The following KHDRBS3 variants were observed in gnomAD, a reference collection of about 807,000 sequenced individuals.
KHDRBS3 encodes KH domain-containing, RNA-binding, signal transduction-associated protein 3.
Under a neutral mutation model 45.6 loss-of-function variants are expected in KHDRBS3, and 23 were observed. The observed-to-expected ratio is 0.50, with a 90% CI of 0.36 to 0.72. KHDRBS3 has a LOEUF of 0.72. KHDRBS3 is among the 30% of genes least tolerant of loss of function. The pLI is 0.00. For missense variants in KHDRBS3, 352 were observed against 424.8 expected (o/e 0.83, Z 1.51); for synonymous variants, 162 against 156.5 (o/e 1.04, Z -0.26).
At chr8:135,460,403 GTAAGGCA>G (rs1279090594) in intron 1 of KHDRBS3, among the ~76,000 whole-genome samples, 1 of 152,164 alleles carries the variant, frequency 6.6e-6, no homozygotes, top group African/African-American at 2.4e-5. Context: ...TTGCATTCCG[GTAAGGCA>G]GATGTTCATG....
At chr8:135,598,333 A>C (rs1198136371) in intron 6 of KHDRBS3, among the ~76,000 whole-genome samples, 1 of 152,186 alleles carries the variant, frequency 6.6e-6, no homozygotes, top group Non-Finnish European at 1.5e-5. Flanking sequence ...TTTTTTGGCT[A>C]ATCTTCCCAC....
intron 1 of KHDRBS3, 97 bp downstream of exon 1, chr8:135,458,051 G>A: frequency 7.0e-7 from 1 of 1,422,098 alleles, no homozygotes; most frequent in Non-Finnish European, 9.2e-7. Flanking sequence ...TGCTGTCAGC[G>A]GACGCGGCGG....
At position 135,581,980 on chromosome 8, in the gene KHDRBS3, A is replaced by T; in HGVS notation, c.714A>T (p.Gly238=). The change falls in exon 6 of 9, where the codon GGA becomes GGT. Residue 238 remains glycine, a synonymous_variant. Coordinates refer to ENST00000355849, the MANE Select transcript of KHDRBS3 (RefSeq NM_006558.3). ...CCACCCGAGGGCCAGTGAGTCGGGGAAGAGGACTTCTCACTCCCAGAGCAA... is the reference window on the plus strand; with the variant it reads ...CCACCCGAGGGCCAGTGAGTCGGGGTAGAGGACTTCTCACTCCCAGAGCAA... ...VLSTRGPVSR[G]RGLLTPRARG... 1 of 1,613,440 alleles carries T rather than the reference A, an allele frequency of 6.2e-7. No homozygotes were observed. Among genetic ancestry groups the T allele is most frequent in the Non-Finnish European group, 8.5e-7 (1 of 1,179,694 alleles).
chr8:135,549,212 CT>C, intron 4 of KHDRBS3: 1 of 185,400 alleles, frequency 5.4e-6, no homozygotes. Context: ...CACTGTACAA[CT>C]TTTTTGTTCT....
chr8:135,503,480 G>C (rs968897583), intron 1 of KHDRBS3, among the ~76,000 whole-genome samples: 1 of 152,060 alleles, frequency 6.6e-6, no homozygotes, highest in Non-Finnish European at 1.5e-5. Flanking sequence ...AGGATTAAAC[G>C]TGGCCTCCTG....
Position 135,606,766 on chromosome 8 carries a change from G to C in KHDRBS3, c.808-189G>C, listed in dbSNP as rs141114529. 2.6e-4 allele frequency among the ~76,000 whole-genome samples: 39 copies of C among 152,200 alleles called. No individual in the cohort carries two copies. The East Asian group carries it at 6.4e-3, about 25-fold the overall frequency. The stretch of plus-strand genomic sequence containing the variant: ...GTGATTCTGACCATTTTTACCAATT[G>C]CTCTTTGCTTTTGTAGAGAGAATGT... On this transcript the variant is annotated intron_variant, in intron 6 of 8. Coordinates refer to ENST00000355849, the MANE Select transcript of KHDRBS3 (RefSeq NM_006558.3).
At chr8:135,524,607 T>C (rs765539278) in intron 2 of KHDRBS3, among the ~76,000 whole-genome samples, 7 of 152,150 alleles carry the variant, frequency 4.6e-5, no homozygotes, top group Non-Finnish European at 7.3e-5. Flanking sequence ...CTTCAATTCT[T>C]TTTCTGATCG....
chr8:135,462,547 G>A (rs2130099894), intron 1 of KHDRBS3, among the ~76,000 whole-genome samples: 1 of 152,280 alleles, frequency 6.6e-6, no homozygotes, highest in African/African-American at 2.4e-5. Flanking sequence ...CAACTATGCT[G>A]AAATATTTAA....
At chr8:135,508,591 A>G (rs1824123438) in intron 1 of KHDRBS3, among the ~76,000 whole-genome samples, 1 of 152,190 alleles carries the variant, frequency 6.6e-6, no homozygotes, top group Admixed American at 6.5e-5. Context: ...GATTTAACCC[A>G]TAGGTGTAAA....
At chr8:135,566,888 C>G (rs1042744640) in intron 5 of KHDRBS3, among the ~76,000 whole-genome samples, 1 of 152,072 alleles carries the variant, frequency 6.6e-6, no homozygotes, top group Non-Finnish European at 1.5e-5. Context: ...GTACTTAATC[C>G]AGACATGCAT....
intron 1 of KHDRBS3, among the ~76,000 whole-genome samples, chr8:135,478,196 G>A (rs1025222168): frequency 1.3e-5 from 2 of 152,154 alleles, no homozygotes; most frequent in Admixed American, 6.5e-5. Flanking sequence ...GAAAAGGATC[G>A]GAGCCTCTAG....
chr8:135,472,299 G>C (rs1822056540), intron 1 of KHDRBS3, among the ~76,000 whole-genome samples: 1 of 152,056 alleles, frequency 6.6e-6, no homozygotes, highest in East Asian at 1.9e-4. Flanking sequence ...TACCTTCACT[G>C]CTCTAAACTC....
At chr8:135,561,375 T>A (rs1049417607) in intron 5 of KHDRBS3, among the ~76,000 whole-genome samples, 3 of 152,256 alleles carry the variant, frequency 2.0e-5, no homozygotes, top group Admixed American at 6.5e-5. Flanking sequence ...CATTACCATT[T>A]TTCAAATGAG....
chr8:135,567,889 CT>C (rs1279917576), intron 5 of KHDRBS3, among the ~76,000 whole-genome samples: 1 of 152,210 alleles, frequency 6.6e-6, no homozygotes, highest in African/African-American at 2.4e-5. Context: ...TTCTTTGCCC[CT>C]GAAGGGTAGC....
At chr8:135,595,638 G>A (rs1217751165) in intron 6 of KHDRBS3, among the ~76,000 whole-genome samples, 2 of 152,198 alleles carry the variant, frequency 1.3e-5, no homozygotes, top group Non-Finnish European at 2.9e-5. Flanking sequence ...AATTACATGT[G>A]CCTTCTGGTG....
At chr8:135,474,572 C>A (rs1229501256) in intron 1 of KHDRBS3, among the ~76,000 whole-genome samples, 1 of 152,094 alleles carries the variant, frequency 6.6e-6, no homozygotes, top group Non-Finnish European at 1.5e-5. Flanking sequence ...TGTGGCAAGT[C>A]CTTGAAATCA....
intron 1 of KHDRBS3, among the ~76,000 whole-genome samples, chr8:135,494,107 T>C (rs959902233): frequency 6.6e-6 from 1 of 152,044 alleles, no homozygotes; most frequent in Non-Finnish European, 1.5e-5. Flanking sequence ...TTCCTGATAC[T>C]ATTAATTCTT....
intron 7 of KHDRBS3, among the ~76,000 whole-genome samples, chr8:135,614,642 G>C: frequency 6.6e-6 from 1 of 151,266 alleles, no homozygotes; most frequent in Non-Finnish European, 1.5e-5. Flanking sequence ...AAAAAACAAG[G>C]GATATCAACC....
intron 5 of KHDRBS3, among the ~76,000 whole-genome samples, chr8:135,562,909 T>G (rs1030152971): frequency 6.6e-6 from 1 of 152,238 alleles, no homozygotes; most frequent in Non-Finnish European, 1.5e-5. Flanking sequence ...AGCCATAAAT[T>G]GGCCTTCATA....
Sources: allele counts gnomAD v4.1 joint callset (sites outside exome capture counted in the v4.1 genomes callset), GRCh38; gene constraint gnomAD v4.1.1; transcripts MANE v1.5; gene names NCBI Gene and HGNC (gene_info 2026-07-23, HGNC 2026-07-21).